GPATCH8: variants seen among roughly 807,000 people sequenced by gnomAD.
GPATCH8 encodes G-patch domain containing 8.
GPATCH8 carries 18 observed loss-of-function variants against 118.3 expected under a neutral mutation model. That is an observed-to-expected ratio of 0.15 (90% CI 0.11 to 0.23). The LOEUF is 0.23. Among genes scored for constraint, GPATCH8 ranks in the 10% least tolerant of loss-of-function variants. The pLI, the probability that GPATCH8 is intolerant of heterozygous loss-of-function variation, is 1.00. For synonymous variants in GPATCH8, 659 were observed against 684.7 expected (o/e 0.96, Z 0.59); for missense variants, 1,631 against 1,873.8 (o/e 0.87, Z 2.39).
chr17:44,434,928 T>C lies in GPATCH8; in HGVS notation c.348+137A>G, dbSNP rs2050445883. On this transcript the variant is annotated intron_variant, in intron 5 of 7. Transcript: ENST00000591680. ...CCAATAAATAGGAATGTAATAGAAA[T>C]CTGAGATCTACTACTAATTACCACC... is the stretch of plus-strand genomic sequence containing the variant. 4.3e-6 allele frequency: 3 copies of C among 695,472 alleles called. No individual in the cohort carries two copies. The Admixed American group carries it at 6.3e-5, about 15-fold the overall frequency. 43.1% of individuals were successfully genotyped at this position (695,472 alleles called of 1,614,324 possible). A position where few individuals can be genotyped will look rare whatever the true frequency, so the allele number is the denominator to read the frequency against.
intron 5 of GPATCH8, among the ~76,000 whole-genome samples, chr17:44,429,098 G>A (rs969032966): frequency 1.8e-4 from 27 of 151,802 alleles, no homozygotes; most frequent in African/African-American, 6.1e-4. Context: ...CCGAGATGGC[G>A]CCACTGCACT....
intron 1 of GPATCH8, among the ~76,000 whole-genome samples, chr17:44,482,811 C>T (rs1241864600): frequency 6.6e-6 from 1 of 151,618 alleles, no homozygotes; most frequent in Non-Finnish European, 1.5e-5. Flanking sequence ...AAAACATGTA[C>T]AGAGCAGCTC....
intron 2 of GPATCH8, among the ~76,000 whole-genome samples, chr17:44,466,498 C>T (rs956767162): frequency 6.6e-6 from 1 of 152,138 alleles, no homozygotes; most frequent in Admixed American, 6.6e-5. Flanking sequence ...CTACACATCA[C>T]AAAAATATAA....
chr17:44,461,170 G>C (rs978499376), intron 3 of GPATCH8, among the ~76,000 whole-genome samples: 1 of 152,036 alleles, frequency 6.6e-6, no homozygotes, highest in Non-Finnish European at 1.5e-5. Context: ...TGGAAAGGGT[G>C]AATTTTATTT....
rs79583038 is a variant in GPATCH8 at position 44,454,162 on chromosome 17, G to A, written c.193+10310C>T. On this transcript the variant is annotated intron_variant, in intron 3 of 7. Transcript: ENST00000591680. The stretch of plus-strand genomic sequence containing the variant: ...ACTTACAGCATTTTATTATTATTTA[G>A]AGAAAAGGTCTTGCTCTGTTGCCCA... Among the ~76,000 whole-genome samples, 644 of 152,164 alleles carry A rather than the reference G, an allele frequency of 4.2e-3. 9 individuals carry two copies. Among genetic ancestry groups the A allele is most frequent in the African/African-American group, 0.014 (589 of 41,520 alleles).
intron 6 of GPATCH8, among the ~76,000 whole-genome samples, chr17:44,423,354 T>A (rs1409216028): frequency 2.0e-5 from 3 of 152,196 alleles, no homozygotes; most frequent in African/African-American, 7.2e-5. Flanking sequence ...TGGGGGAGAC[T>A]GTTCCAAAAA....
chr17:44,416,062 G>A (rs1175895623), intron 6 of GPATCH8, among the ~76,000 whole-genome samples: 1 of 152,210 alleles, frequency 6.6e-6, no homozygotes, highest in Non-Finnish European at 1.5e-5. Flanking sequence ...GAGTGTAGCG[G>A]TACTATATTG....
chr17:44,491,946 C>T (rs1336347436), intron 1 of GPATCH8, among the ~76,000 whole-genome samples: 1 of 151,968 alleles, frequency 6.6e-6, no homozygotes, highest in Admixed American at 6.6e-5. Flanking sequence ...AAAGCCTATC[C>T]AAAAAGAAAT....
chr17:44,425,966 T>C (rs996257798), intron 5 of GPATCH8, among the ~76,000 whole-genome samples: 12 of 152,078 alleles, frequency 7.9e-5, no homozygotes, highest in Non-Finnish European at 1.3e-4. Flanking sequence ...TCAGAAGAAC[T>C]GGGCAACAGA....
chr17:44,415,995 A>AT (rs1239000214), intron 6 of GPATCH8, among the ~76,000 whole-genome samples: 1 of 152,022 alleles, frequency 6.6e-6, no homozygotes, highest in Non-Finnish European at 1.5e-5. Context: ...GCAGAAGGGG[A>AT]TTTTTTCAAC....
chr17:44,482,431 G>A (rs569107127), intron 1 of GPATCH8, among the ~76,000 whole-genome samples: 53 of 151,780 alleles, frequency 3.5e-4, no homozygotes, highest in African/African-American at 1.2e-3. Flanking sequence ...AAAATTAGCC[G>A]GGTGTGGTGG....
At chr17:44,482,989 T>C (rs1968400226) in intron 1 of GPATCH8, among the ~76,000 whole-genome samples, 1 of 147,200 alleles carries the variant, frequency 6.8e-6, no homozygotes. Flanking sequence ...ACCCCGTCTC[T>C]ACTAAAAATA....
At chr17:44,431,505 A>C (rs765085283) in intron 5 of GPATCH8, among the ~76,000 whole-genome samples, 18 of 152,028 alleles carry the variant, frequency 1.2e-4, no homozygotes, top group Admixed American at 5.2e-4. Context: ...ATTGAGTAGA[A>C]AATACCTAAG....
intron 6 of GPATCH8, among the ~76,000 whole-genome samples, chr17:44,411,088 C>T (rs1296997396): frequency 6.6e-6 from 1 of 152,138 alleles, no homozygotes; most frequent in African/African-American, 2.4e-5. Flanking sequence ...AGGTACACCC[C>T]AACAGCCACC....
At chr17:44,444,950 T>C (rs1028961005) in intron 3 of GPATCH8, among the ~76,000 whole-genome samples, 1 of 152,188 alleles carries the variant, frequency 6.6e-6, no homozygotes, top group Non-Finnish European at 1.5e-5. Flanking sequence ...TACTTAGTCA[T>C]CATGATGCGC....
At chr17:44,501,431 T>A (rs576046749) in intron 1 of GPATCH8, among the ~76,000 whole-genome samples, 38 of 150,334 alleles carry the variant, frequency 2.5e-4, no homozygotes, top group African/African-American at 7.8e-4. Context: ...AAAAAAAAAA[T>A]TTTTCCTGGC....
chr17:44,483,177 ATATATATATATATATATATATAT>A (rs1434472949), intron 1 of GPATCH8, among the ~76,000 whole-genome samples: 133 of 6,968 alleles, frequency 0.019, 26 homozygotes, highest in Non-Finnish European at 0.028. Context: ...AAAAAAAAAA[ATATATATATATATATATATATAT>A]ATATATATAT....
intron 5 of GPATCH8, among the ~76,000 whole-genome samples, chr17:44,433,937 G>A (rs1380524882): frequency 2.0e-5 from 3 of 151,926 alleles, no homozygotes; most frequent in African/African-American, 7.2e-5. Flanking sequence ...TAAGGAGTTC[G>A]AGACCAGCCT....
At chr17:44,437,484 A>G (rs982037705) in intron 3 of GPATCH8, among the ~76,000 whole-genome samples, 5 of 152,102 alleles carry the variant, frequency 3.3e-5, no homozygotes, top group Non-Finnish European at 7.4e-5. Flanking sequence ...TAGTGAAAAA[A>G]CACAATGTTT....
Sources: allele counts gnomAD v4.1 joint callset (sites outside exome capture counted in the v4.1 genomes callset), GRCh38; gene constraint gnomAD v4.1.1; transcripts MANE v1.5; gene names NCBI Gene and HGNC (gene_info 2026-07-23, HGNC 2026-07-21).